The following AGBL4 variants were observed in gnomAD, a reference collection of about 807,000 sequenced individuals.
AGBL4 encodes AGBL carboxypeptidase 4, also known as cytosolic carboxypeptidase 6.
AGBL4 carries 58 observed loss-of-function variants against 66.4 expected under a neutral mutation model. That is an observed-to-expected ratio of 0.87 (90% CI 0.71 to 1.09). The LOEUF is 1.09. Among genes scored for constraint, AGBL4 ranks in the 50% least tolerant of loss-of-function variants. The pLI, the probability that AGBL4 is intolerant of heterozygous loss-of-function variation, is 0.00. For synonymous variants in AGBL4, 234 were observed against 222.9 expected, an observed-to-expected ratio of 1.05 and a Z score of -0.44; for missense variants, 579 against 631.0, an observed-to-expected ratio of 0.92 and a Z score of 0.88.
chr1:48,628,668 C>T (rs1349371738), intron 9 of AGBL4, among the ~76,000 whole-genome samples: 6 of 152,068 alleles, frequency 3.9e-5, no homozygotes, highest in Admixed American at 3.9e-4. Context: ...TGAGGTCTTC[C>T]ACCTCCATTC....
intron 1 of AGBL4, among the ~76,000 whole-genome samples, chr1:49,918,415 T>A (rs1000659612): frequency 6.6e-6 from 1 of 152,014 alleles, no homozygotes; most frequent in Admixed American, 6.5e-5. Context: ...TCACCACCGA[T>A]CCCACAGAAA....
chr1:48,878,116 A>G (rs1460432860), intron 5 of AGBL4, among the ~76,000 whole-genome samples: 1 of 152,184 alleles, frequency 6.6e-6, no homozygotes, highest in East Asian at 1.9e-4. Context: ...AGATTTTTTG[A>G]GAGTATCAAG....
rs887717265 is a variant in AGBL4 at position 49,628,084 on chromosome 1, C to T, written c.282+69229G>A. Among the ~76,000 whole-genome samples, 6 of 152,134 alleles carry T rather than the reference C, an allele frequency of 3.9e-5. No homozygotes were observed. In the South Asian group the frequency reaches 6.2e-4, roughly 16 times the overall value. ...GGTCACTTGATACCTGTTTGCATAG[C>T]GTTCCATCTTTATCAGGGTCCAGTG... is the stretch of plus-strand genomic sequence containing the variant. On this transcript the variant is annotated intron_variant, in intron 3 of 13. Transcript: ENST00000371839.
chr1:49,711,715 T>C (rs1647680288), intron 2 of AGBL4, among the ~76,000 whole-genome samples: 1 of 152,080 alleles, frequency 6.6e-6, no homozygotes. Context: ...CAGTTTAATG[T>C]TGTTCAGTTA....
intron 9 of AGBL4, among the ~76,000 whole-genome samples, chr1:48,602,743 G>C (rs1262005516): frequency 6.6e-6 from 1 of 151,894 alleles, no homozygotes; most frequent in Non-Finnish European, 1.5e-5. Context: ...GAAGAAGAAA[G>C]GTACAGGCAG....
chr1:48,759,043 T>C, intron 6 of AGBL4: 1 of 1,614,058 alleles, frequency 6.2e-7, no homozygotes, highest in Non-Finnish European at 8.5e-7. Flanking sequence ...CAGCTCCTGC[T>C]GGAGGTGGCG....
intron 4 of AGBL4, among the ~76,000 whole-genome samples, chr1:49,119,124 T>G (rs1186048614): frequency 6.6e-6 from 1 of 152,210 alleles, no homozygotes; most frequent in African/African-American, 2.4e-5. Context: ...TTCTATCAAT[T>G]TTGTTGATCT....
intron 6 of AGBL4, among the ~76,000 whole-genome samples, chr1:48,688,229 A>G (rs1229397981): frequency 6.6e-6 from 1 of 152,128 alleles, no homozygotes; most frequent in African/African-American, 2.4e-5. Context: ...GAAACTAAAC[A>G]TGTTGGAAAA....
At chr1:48,690,935 C>T (rs889546384) in intron 6 of AGBL4, among the ~76,000 whole-genome samples, 4 of 152,042 alleles carry the variant, frequency 2.6e-5, no homozygotes, top group East Asian at 1.9e-4. Flanking sequence ...GAAGCCGAGA[C>T]GGGTGGATCA....
chr1:49,832,564 A>T lies in AGBL4; in HGVS notation c.157+18832T>A, dbSNP rs548493242. On this transcript the variant is annotated intron_variant, in intron 2 of 13. Coordinates refer to ENST00000371839, the MANE Select transcript of AGBL4 (RefSeq NM_032785.4). ...ATTTCTAGTTCTAGATCCCTGAGGA[A>T]TCGCCACACCGACTTCCACAATGGT... Among the ~76,000 whole-genome samples the T allele has an allele frequency of 6.2e-3, 941 of 151,896 alleles. 5 individuals carry two copies. Among genetic ancestry groups the T allele is most frequent in the Middle Eastern group, 0.031 (9 of 292 alleles).
intron 2 of AGBL4, among the ~76,000 whole-genome samples, chr1:49,709,919 A>G (rs1305666986): frequency 6.6e-6 from 1 of 152,210 alleles, no homozygotes; most frequent in Non-Finnish European, 1.5e-5. Flanking sequence ...TAGAATGGCA[A>G]TCATTAAAAA....
At position 49,243,038 on chromosome 1, in the gene AGBL4, C is replaced by T. The variant is rs746421879; in HGVS notation, c.377+2732G>A. ...ATTTTTATACATATATATATATACA[C>T]ACACATACATATATATATATACACA... On this transcript the variant is annotated intron_variant, in intron 4 of 13. Transcript: ENST00000371839. Among the ~76,000 whole-genome samples the T allele has an allele frequency of 2.5e-3, 369 of 150,288 alleles. 1 individual carries two copies. Among genetic ancestry groups the T allele is most frequent in the Non-Finnish European group, 3.0e-3 (204 of 67,598 alleles).
intron 3 of AGBL4, among the ~76,000 whole-genome samples, chr1:49,392,941 T>C (rs538304397): frequency 9.2e-5 from 14 of 152,354 alleles, no homozygotes; most frequent in African/African-American, 1.9e-4. Context: ...TCAAAGTAAG[T>C]ATTATAATAA....
intron 3 of AGBL4, among the ~76,000 whole-genome samples, chr1:49,692,141 A>T (rs1441973975): frequency 6.6e-6 from 1 of 152,158 alleles, no homozygotes; most frequent in African/African-American, 2.4e-5. Flanking sequence ...CCATATTAGT[A>T]GTCTCTTTAC....
At chr1:49,935,984 G>A (rs1001736817) in intron 1 of AGBL4, among the ~76,000 whole-genome samples, 4 of 152,216 alleles carry the variant, frequency 2.6e-5, no homozygotes, top group African/African-American at 9.6e-5. Flanking sequence ...AACGCTGGAG[G>A]GAGAATGACT....
chr1:49,730,285 A>C (rs1649339462), intron 2 of AGBL4, among the ~76,000 whole-genome samples: 1 of 152,138 alleles, frequency 6.6e-6, no homozygotes, highest in Non-Finnish European at 1.5e-5. Flanking sequence ...AACCCACCAA[A>C]GAGCAGGAGC....
At chr1:49,502,204 C>T (rs1302809469) in intron 3 of AGBL4, among the ~76,000 whole-genome samples, 1 of 152,150 alleles carries the variant, frequency 6.6e-6, no homozygotes, top group African/African-American at 2.4e-5. Flanking sequence ...CCTTTGGCCA[C>T]AGACTGGAGG....
chr1:49,575,139 G>C (rs1644410910), intron 3 of AGBL4, among the ~76,000 whole-genome samples: 1 of 152,166 alleles, frequency 6.6e-6, no homozygotes, highest in South Asian at 2.1e-4. Flanking sequence ...GAAATAATCA[G>C]ACATTTTAGG....
intron 4 of AGBL4, among the ~76,000 whole-genome samples, chr1:49,168,281 T>G (rs561990903): frequency 1.4e-4 from 21 of 152,218 alleles, no homozygotes; most frequent in Non-Finnish European, 2.9e-4. Context: ...AAAGTAGAAT[T>G]GCTGGCTATT....
Sources: gnomAD v4.1 joint callset for allele counts (sites outside exome capture counted in the v4.1 genomes callset) on GRCh38, gnomAD v4.1.1 for gene constraint, MANE v1.5 for transcripts, NCBI Gene and HGNC (gene_info 2026-07-23, HGNC 2026-07-21) for gene names.